The following DLL1 variants were observed in gnomAD, a reference collection of about 807,000 sequenced individuals.
The protein encoded by DLL1 is delta like canonical Notch ligand 1, also known as delta-like protein 1.
Under a neutral mutation model 75.1 loss-of-function variants are expected in DLL1, and 9 were observed. The observed-to-expected ratio is 0.12, with a 90% CI of 0.07 to 0.21. The LOEUF (loss-of-function observed/expected upper bound fraction) is 0.21. DLL1 is among the 10% of genes least tolerant of loss of function. The probability of loss-of-function intolerance (pLI) is 1.00; values close to 1 mark genes in which losing one functional copy is unlikely to be tolerated. For synonymous variants in DLL1, 477 were observed against 418.3 expected, an observed-to-expected ratio of 1.14 and a Z score of -1.71; for missense variants, 837 against 1,007.6, an observed-to-expected ratio of 0.83 and a Z score of 2.29.
At chr6:170,287,611 C>T (rs1884190) in intron 4 of DLL1, among the ~76,000 whole-genome samples, 130,437 of 152,256 alleles carry the variant, frequency 0.86, 57,608 homozygotes, top group East Asian at 0.98. Context: ...GACATTGCTT[C>T]TCCAGACAAG....
chr6:170,289,423 G>A (rs1352565189), intron 2 of DLL1, 89 bp downstream of exon 2: 6 of 1,507,048 alleles, frequency 4.0e-6, no homozygotes, highest in Non-Finnish European at 5.3e-6. Flanking sequence ...CCGAGGTCCC[G>A]CCACCGAGCG....
Position 170,291,001 on chromosome 6 carries a change from C to A in DLL1, c.-862G>T. ...TGGCTAATGAGATGCAAATCAGCAGCCCCCCAATCTGGCGAGAGCTGTCAC... is the reference window on the plus strand; with the variant it reads ...TGGCTAATGAGATGCAAATCAGCAGACCCCCAATCTGGCGAGAGCTGTCAC... On this transcript the variant is annotated 5_prime_UTR_variant, in exon 1 of 11. Transcript: ENST00000366756. 2.8e-6 allele frequency: 2 copies of A among 701,874 alleles called. No individual in the cohort carries two copies. Among genetic ancestry groups the A allele is most frequent in the Non-Finnish European group, 5.2e-6 (2 of 384,576 alleles). The allele number at this position is 701,874 out of a possible 1,614,324, so 43.5% of individuals were successfully genotyped here. A position where few individuals can be genotyped will look rare whatever the true frequency, so the allele number is the denominator to read the frequency against.
chr6:170,289,190 G>T (rs891462930), intron 2 of DLL1: 2 of 635,398 alleles, frequency 3.1e-6, no homozygotes, highest in Non-Finnish European at 5.7e-6. Context: ...TAGGAGTCGG[G>T]AAACCAGAAC....
intron 4 of DLL1, among the ~76,000 whole-genome samples, chr6:170,286,800 TG>T (rs1184240046): frequency 1.4e-5 from 2 of 144,498 alleles, no homozygotes; most frequent in Non-Finnish European, 3.0e-5. Flanking sequence ...ACCCCTCGCG[TG>T]TACACACACA....
At chr6:170,288,155 C>T (rs767219790) in intron 4 of DLL1, 84 bp downstream of exon 4, 2 of 1,598,772 alleles carry the variant, frequency 1.3e-6, no homozygotes, top group South Asian at 1.1e-5. Flanking sequence ...AGTCCCAAGC[C>T]CCCCGTGGCT....
chr6:170,283,170 A>G (rs1446785576), intron 9 of DLL1, 61 bp downstream of exon 9: 1 of 1,613,364 alleles, frequency 6.2e-7, no homozygotes, highest in Admixed American at 1.7e-5. Flanking sequence ...GAAACGGAGC[A>G]GTGGTTCCAG....
rs766491705 is a variant in DLL1 at position 170,283,377 on chromosome 6, G to A, written c.1902C>T (p.Ala634=). The change falls in exon 9 of 11, where the codon GCC becomes GCT. Residue 634 remains alanine (A), a synonymous_variant. Coordinates refer to ENST00000366756, the MANE Select transcript of DLL1 (RefSeq NM_005618.4). ...GGTTATAGTCCACCGCTGGGTAGCG[G>A]GCCTTGAAGCCATTCTTGTCGGCGC... ...DHSADKNGFK[A]RYPAVDYNLV... is the part of the protein sequence containing the mutation. The A allele has an allele frequency of 6.8e-6, 11 of 1,611,714 alleles. No individual in the cohort carries two copies. Among genetic ancestry groups the A allele is most frequent in the Admixed American group, 1.7e-5 (1 of 60,014 alleles).
In DLL1 at chr6:170,284,966, T is replaced by C. The variant is rs1279899784; in HGVS notation, c.1202A>G (p.Asn401Ser). ...GCAGTAGTCAATTTTCTTCTCACAGTTGAAGCCGGAGTAGCCCACGGGGCA... is the reference window on the plus strand; with the variant it reads ...GCAGTAGTCAATTTTCTTCTCACAGCTGAAGCCGGAGTAGCCCACGGGGCA... Reference protein sequence around the residue: ...CRCPVGYSGFNCEKKIDYCSS... With the variant: ...CRCPVGYSGFSCEKKIDYCSS... The change falls in exon 8 of 11, where the codon AAC (asparagine) becomes AGC (serine). Residue 401 changes from asparagine (N) to serine (S), a missense_variant. This residue lies in a region of DLL1 where 533 missense variants were observed against 545.7 expected (regional missense o/e 0.98). Transcript: ENST00000366756. 1 of 1,614,152 alleles carries C rather than the reference T, an allele frequency of 6.2e-7. No homozygotes were observed. Among genetic ancestry groups the C allele is most frequent in the Non-Finnish European group, 8.5e-7 (1 of 1,180,040 alleles).
In DLL1 at chr6:170,284,940, T is replaced by G; in HGVS notation, c.1228A>C (p.Ser410Arg). 6.2e-7 allele frequency: 1 copy of G among 1,614,006 alleles called. No individual in the cohort carries two copies. Among genetic ancestry groups the G allele is most frequent in the Non-Finnish European group, 8.5e-7 (1 of 1,180,038 alleles). ...TTACCATTAGAACAGGGTGAAGAGC[T>G]GCAGTAGTCAATTTTCTTCTCACAG... ...FNCEKKIDYC[S>R]SSPCSNGAKC... Residue 410 changes from serine (S) to arginine (R), a missense_variant, in exon 8 of 11, where the codon AGC becomes CGC. Ser to Arg is a moderately radical substitution (Grantham distance 110). This residue lies in a region of DLL1 where 533 missense variants were observed against 545.7 expected (regional missense o/e 0.98). Coordinates refer to ENST00000366756, the MANE Select transcript of DLL1 (RefSeq NM_005618.4).
At position 170,282,702 on chromosome 6, in the gene DLL1, G is replaced by A. The variant is rs1783585065; in HGVS notation, c.*172C>T. ...GCCGCAGGCGGCCGGGCCGCGACAGGCTGTCGGCAGGCGTCGAGGACCTCA... is the reference window on the plus strand; with the variant it reads ...GCCGCAGGCGGCCGGGCCGCGACAGACTGTCGGCAGGCGTCGAGGACCTCA... On this transcript the variant is annotated 3_prime_UTR_variant, in exon 11 of 11. Transcript: ENST00000366756. 1.8e-6 allele frequency: 2 copies of A among 1,107,474 alleles called. No homozygotes were observed. Among genetic ancestry groups the A allele is most frequent in the Admixed American group, 1.8e-5 (1 of 55,692 alleles). The allele number at this position is 1,107,474 out of a possible 1,614,324, so 68.6% of individuals were successfully genotyped here.
intron 2 of DLL1, 133 bp downstream of exon 2, chr6:170,289,379 A>T: frequency 7.3e-7 from 1 of 1,367,578 alleles, no homozygotes; most frequent in Non-Finnish European, 9.9e-7. Flanking sequence ...GCCGCTAGGC[A>T]GATCGCAGCG....
Position 170,284,041 on chromosome 6 carries a change from G to C in DLL1, c.1250-12C>G. 6.4e-7 allele frequency: 1 copy of C among 1,558,722 alleles called. No individual in the cohort carries two copies. The highest frequency in any genetic ancestry group is 1.2e-5 in the South Asian group (1 of 85,326). ...CACACACTTGGCACCTGGAACACAG[G>C]GACATGAACATCACGTGTCTCCTCG... On this transcript the variant is annotated splice_polypyrimidine_tract_variant and intron_variant, in intron 8 of 10. Coordinates refer to ENST00000366756, the MANE Select transcript of DLL1 (RefSeq NM_005618.4).
intron 7 of DLL1, 43 bp downstream of exon 7, chr6:170,285,211 C>T: frequency 6.2e-7 from 1 of 1,614,052 alleles, no homozygotes; most frequent in South Asian, 1.1e-5. Flanking sequence ...AACACCAGGG[C>T]ACCCCAGCTT....
At position 170,285,055 on chromosome 6, in the gene DLL1, C is replaced by T. The variant is rs369670054; in HGVS notation, c.1113G>A (p.Ala371=). The part of the protein sequence containing the change: ...KICELSAMTC[A]DGPCFNGGRC... ...GACCCCCGTTAAAGCAAGGGCCGTC[C>T]GCACAGGTCATGGCACTCAATTCAC... is the stretch of plus-strand genomic sequence containing the variant. Residue 371 remains alanine (A), a synonymous_variant, in exon 8 of 11, where the codon GCG becomes GCA. Coordinates refer to ENST00000366756, the MANE Select transcript of DLL1 (RefSeq NM_005618.4). The T allele has an allele frequency of 4.2e-5, 68 of 1,614,024 alleles. 1 individual carries two copies. The highest frequency in any genetic ancestry group is 6.7e-5 in the Admixed American group (4 of 60,000).
At position 170,290,073 on chromosome 6, in the gene DLL1, C is replaced by G. The variant is rs760521344; in HGVS notation, c.54+13G>C. 1.9e-6 allele frequency: 3 copies of G among 1,576,880 alleles called. No individual in the cohort carries two copies. The highest frequency in any genetic ancestry group is 3.5e-5 in the Admixed American group (2 of 57,930). ...ACCCCGCGGGGCCGCGGCGCCCCCA[C>G]CTGCCCGCCTACCTGACACAGCAAG... On this transcript the variant is annotated intron_variant, in intron 1 of 10. Transcript: ENST00000366756. This position sits in a 1 kb window ranked among gnomAD's most constrained non-coding sequence, Gnocchi z 4.7.
chr6:170,289,156 G>A (rs1427968509), intron 2 of DLL1: 2 of 592,850 alleles, frequency 3.4e-6, no homozygotes, highest in Admixed American at 2.8e-5. Context: ...CGCGCTGCGC[G>A]GGTAATCGCG....
In DLL1 at chr6:170,285,062, G is replaced by A. The variant is rs542863619; in HGVS notation, c.1106C>T (p.Thr369Ile). ...GTTAAAGCAAGGGCCGTCCGCACAG[G>A]TCATGGCACTCAATTCACAGATTTT... is the stretch of plus-strand genomic sequence containing the variant. Reference protein sequence around the residue: ...YGKICELSAMTCADGPCFNGG... With the variant: ...YGKICELSAMICADGPCFNGG... Residue 369 changes from threonine to isoleucine, a missense_variant, in exon 8 of 11, where the codon ACC becomes ATC. Physicochemically the swap from Thr to Ile is moderately conservative, Grantham distance 89 (BLOSUM62 -1). Around this residue, in one of 2 missense-constraint regions of DLL1, gnomAD observed 533 missense variants for 545.7 expected, o/e 0.98. Coordinates refer to ENST00000366756, the MANE Select transcript of DLL1 (RefSeq NM_005618.4). The A allele has an allele frequency of 9.3e-6, 15 of 1,614,146 alleles. No homozygotes were observed. Among genetic ancestry groups the A allele is most frequent in the African/African-American group, 4.0e-5 (3 of 75,042 alleles).
intron 4 of DLL1, 142 bp downstream of exon 4, chr6:170,288,097 T>A (rs904425859): frequency 7.9e-7 from 1 of 1,272,778 alleles, no homozygotes; most frequent in Non-Finnish European, 1.1e-6. Context: ...CTTATAGCAA[T>A]CCACTTCTGT....
chr6:170,290,699 C>A lies in DLL1; in HGVS notation c.-560G>T. ...GCGGCGGCCCCTGCGGATCGCGGCC[C>A]GGTGTCACTCGGCGGCGGCGGTCGT... On this transcript the variant is annotated 5_prime_UTR_variant, in exon 1 of 11. Coordinates refer to ENST00000366756, the MANE Select transcript of DLL1 (RefSeq NM_005618.4). The surrounding 1 kb of genome is among the most constrained non-coding windows in gnomAD (Gnocchi z 4.7). 3.0e-6 allele frequency: 1 copy of A among 328,756 alleles called. No homozygotes were observed. Among genetic ancestry groups the A allele is most frequent in the East Asian group, 8.2e-5 (1 of 12,196 alleles). The allele number at this position is 328,756 out of a possible 1,614,324, so 20.4% of individuals were successfully genotyped here. A position where few individuals can be genotyped will look rare whatever the true frequency, so the allele number is the denominator to read the frequency against.
Sources: gnomAD v4.1 joint callset for allele counts (sites outside exome capture counted in the v4.1 genomes callset) on GRCh38, gnomAD v4.1.1 for gene constraint, gnomAD v4.1.1 regional missense constraint, Gnocchi (gnomAD v3.1) non-coding constraint, MANE v1.5 for transcripts, NCBI Gene and HGNC (gene_info 2026-07-23, HGNC 2026-07-21) for gene names.